EPG5: variants seen among roughly 807,000 people sequenced by gnomAD.
EPG5 encodes the protein ectopic P-granules 5 autophagy tethering factor, also known as ectopic P granules protein 5 homolog.
Under a neutral mutation model 302.7 loss-of-function variants are expected in EPG5, and 159 were observed. That is an observed-to-expected ratio of 0.53 (90% CI 0.46 to 0.60). The LOEUF (loss-of-function observed/expected upper bound fraction) is 0.60. EPG5 is among the 20% of genes least tolerant of loss of function. The pLI is 0.00. For synonymous variants in EPG5, 1,158 were observed against 1,136.8 expected, an observed-to-expected ratio of 1.02 and a Z score of -0.37; for missense variants, 2,896 against 3,092.4, an observed-to-expected ratio of 0.94 and a Z score of 1.51.
At chr18:45,951,333 T>A in intron 3 of EPG5, 95 bp from the exon 4 acceptor site, 3 of 887,962 alleles carry the variant, frequency 3.4e-6, no homozygotes, top group Non-Finnish European at 4.6e-6. Flanking sequence ...CAAAAACCTT[T>A]AAAATATTTA....
Position 45,948,493 on chromosome 18 carries a change from G to A in EPG5, c.1571+10C>T. On this transcript the variant is annotated intron_variant, in intron 6 of 43. Coordinates refer to ENST00000282041, the MANE Select transcript of EPG5 (RefSeq NM_020964.3). ...TCAATCTCTACTTCACAAAGCTCTT[G>A]CACACTTACTTGACAGGAGACATCA... 1.2e-6 allele frequency: 2 copies of A among 1,609,044 alleles called. No individual in the cohort carries two copies. Among genetic ancestry groups the A allele is most frequent in the Non-Finnish European group, 1.7e-6 (2 of 1,175,538 alleles).
intron 3 of EPG5, 118 bp from the exon 4 acceptor site, chr18:45,951,356 G>GA: frequency 1.6e-6 from 1 of 641,268 alleles, no homozygotes; most frequent in Non-Finnish European, 2.2e-6. Flanking sequence ...GCAGATAAAA[G>GA]GAGAAAAGTT....
At chr18:45,966,355 G>A (rs1420231817) in intron 1 of EPG5, among the ~76,000 whole-genome samples, 3 of 135,674 alleles carry the variant, frequency 2.2e-5, no homozygotes, top group African/African-American at 9.0e-5. Context: ...CGGCCTGGGC[G>A]ACAGAGCAAG....
Position 45,948,525 on chromosome 18 carries a change from C to A in EPG5, c.1549G>T (p.Ala517Ser). 1 of 1,613,910 alleles carries A rather than the reference C, an allele frequency of 6.2e-7. No individual in the cohort carries two copies. Among genetic ancestry groups the A allele is most frequent in the South Asian group, 1.1e-5 (1 of 91,076 alleles). The change falls in exon 6 of 44, where the codon GCC becomes TCC. Residue 517 changes from alanine (A) to serine (S), a missense_variant. Transcript: ENST00000282041. ...SGVFHFMQSL[A>S]LLMSPVKNRA... The stretch of plus-strand genomic sequence containing the variant: ...TACTTGACAGGAGACATCAGCAGGG[C>A]AAGGGATTGCATAAAATGAAAGACC...
At chr18:45,900,959 A>G in intron 26 of EPG5, 37 bp downstream of exon 26, 3 of 1,576,304 alleles carry the variant, frequency 1.9e-6, no homozygotes, top group Non-Finnish European at 2.6e-6. Context: ...AAAGCCACCA[A>G]CATGGGAACA....
chr18:45,910,452 C>T (rs1244345941), intron 23 of EPG5, 69 bp downstream of exon 23: 1 of 1,188,388 alleles, frequency 8.4e-7, no homozygotes, highest in Non-Finnish European at 1.2e-6. Flanking sequence ...GTTTGTAACA[C>T]AGTTAACTGC....
In EPG5 at chr18:45,954,588, C is replaced by T. The variant is rs367846863; in HGVS notation, c.814G>A (p.Val272Ile). The T allele has an allele frequency of 2.5e-6, 4 of 1,614,240 alleles. No homozygotes were observed. Among genetic ancestry groups the T allele is most frequent in the Non-Finnish European group, 3.4e-6 (4 of 1,180,038 alleles). ...ILEPGSWLENVESYLEEFDSM... is the reference protein window; with the variant it reads ...ILEPGSWLENIESYLEEFDSM... Reference sequence around the variant, plus strand: ...TCAAATTCTTCTAAATATGACTCAACATTTTCCAGCCATGAACCAGGCTCC... The same window carrying T: ...TCAAATTCTTCTAAATATGACTCAATATTTTCCAGCCATGAACCAGGCTCC... The change falls in exon 2 of 44, where the codon GTT (valine) becomes ATT (isoleucine). Residue 272 changes from valine (V) to isoleucine (I), a missense_variant. Coordinates refer to ENST00000282041, the MANE Select transcript of EPG5 (RefSeq NM_020964.3).
chr18:45,945,378 C>G (rs1253955812), intron 7 of EPG5, among the ~76,000 whole-genome samples: 1 of 152,084 alleles, frequency 6.6e-6, no homozygotes, highest in Non-Finnish European at 1.5e-5. Flanking sequence ...AACAAGAAAC[C>G]AATGATGTGG....
Position 45,852,360 on chromosome 18 carries a change from T to G in EPG5, c.*107A>C. 2.0e-6 allele frequency: 2 copies of G among 999,652 alleles called. No individual in the cohort carries two copies. The highest frequency in any genetic ancestry group is 2.9e-6 in the Non-Finnish European group (2 of 682,150). 61.9% of individuals were successfully genotyped at this position (999,652 alleles called of 1,614,324 possible). ...AACTTGCATCTCAGTCAACTACACA[T>G]TGGCCAAACTGAGCTCTACAGTGCA... On this transcript the variant is annotated 3_prime_UTR_variant, in exon 44 of 44. Coordinates refer to ENST00000282041, the MANE Select transcript of EPG5 (RefSeq NM_020964.3).
At chr18:45,840,093 T>A in the EPG5 span, 10 of 1,136,364 alleles carry the variant, frequency 8.8e-6, no homozygotes, top group Non-Finnish European at 1.3e-5. Context: ...GTCTGCTGTT[T>A]GCTTCAAAAA....
chr18:45,804,944 G>A, the EPG5 span, among the ~76,000 whole-genome samples: 2 of 152,008 alleles, frequency 1.3e-5, no homozygotes, highest in African/African-American at 4.8e-5. Flanking sequence ...GAATGCTGGG[G>A]GCAGGTATAA....
chr18:45,889,978 C>A, intron 27 of EPG5, 38 bp from the exon 28 acceptor site: 3 of 1,515,078 alleles, frequency 2.0e-6, no homozygotes, highest in South Asian at 2.5e-5. Context: ...CATTTCCCCC[C>A]ATGTGTCAGG....
intron 13 of EPG5, among the ~76,000 whole-genome samples, chr18:45,927,732 C>T (rs1266869709): frequency 2.6e-5 from 4 of 151,830 alleles, no homozygotes; most frequent in African/African-American, 7.3e-5. Context: ...CTGAAATAAA[C>T]CAGTCACAAA....
chr18:45,867,493 C>A, intron 37 of EPG5, 70 bp downstream of exon 37: 1 of 1,293,180 alleles, frequency 7.7e-7, no homozygotes, highest in South Asian at 1.3e-5. Context: ...AAATGAAAAA[C>A]TACGACCTAG....
chr18:45,840,964 TCA>T, the EPG5 span: 1 of 152,362 alleles, frequency 6.6e-6, no homozygotes, highest in Admixed American at 6.5e-5. Flanking sequence ...CGACCGTTGT[TCA>T]GTCATTTAAC....
rs1599644685 is a variant in EPG5, at chr18:45,952,529, G to A, written c.1123C>T (p.Leu375Phe). ...GAATGAAGGGCCAGGGTCTGGTGGA[G>A]GTGCTCAGATTTGGCATCGAATAGC... Reference protein sequence around the residue: ...KKLFDAKSEHLHQTLALHSYT... With the variant: ...KKLFDAKSEHFHQTLALHSYT... Residue 375 changes from leucine to phenylalanine, a missense_variant, in exon 3 of 44, where the codon CTC (leucine) becomes TTC (phenylalanine). Around this residue, in one of 5 missense-constraint regions of EPG5, gnomAD observed 1,390 missense variants for 1,430.0 expected, o/e 0.97. Coordinates refer to ENST00000282041, the MANE Select transcript of EPG5 (RefSeq NM_020964.3). The A allele has an allele frequency of 4.3e-6, 7 of 1,614,154 alleles. No individual in the cohort carries two copies. In the East Asian group the frequency reaches 1.6e-4, roughly 36 times the overall value.
chr18:45,842,210 C>A, the EPG5 span: 2 of 1,612,824 alleles, frequency 1.2e-6, no homozygotes, highest in East Asian at 4.5e-5. Flanking sequence ...CCACCAACAT[C>A]CATTTCAGCA....
In EPG5 at chr18:45,860,137, T is replaced by C; in HGVS notation, c.6976A>G (p.Thr2326Ala). The C allele has an allele frequency of 6.2e-7, 1 of 1,614,260 alleles. No individual in the cohort carries two copies. The highest frequency in any genetic ancestry group is 1.1e-5 in the South Asian group (1 of 91,086). ...LASVRHMAETTEACITAYFKE... is the reference protein window; with the variant it reads ...LASVRHMAETAEACITAYFKE... ...AAGTAGGCAGTGATGCAGGCTTCTG[T>C]AGTCTCAGCCATGTGGCGGACGGAC... The change falls in exon 40 of 44, where the codon ACA becomes GCA. Residue 2326 changes from threonine to alanine, a missense_variant. Around this residue, in one of 5 missense-constraint regions of EPG5, gnomAD observed 620 missense variants for 704.2 expected, o/e 0.88. Transcript: ENST00000282041.
At chr18:45,837,633 C>A in the EPG5 span, 36 of 1,507,764 alleles carry the variant, frequency 2.4e-5, no homozygotes, top group Non-Finnish European at 3.2e-5. Flanking sequence ...GGGCCGCTGA[C>A]GGCCATCTGG....
Sources: gnomAD v4.1 joint callset for allele counts (sites outside exome capture counted in the v4.1 genomes callset) on GRCh38, gnomAD v4.1.1 for gene constraint, gnomAD v4.1.1 regional missense constraint, MANE v1.5 for transcripts, NCBI Gene and HGNC (gene_info 2026-07-23, HGNC 2026-07-21) for gene names.